VTA1: variants seen among roughly 807,000 people sequenced by gnomAD.
VTA1 encodes vesicle trafficking 1.
In VTA1, 24 loss-of-function variants were observed where a neutral mutation model predicts 36.9. The observed-to-expected ratio is 0.65, with a 90% CI of 0.47 to 0.91. The LOEUF is 0.91. VTA1 is among the 40% of genes least tolerant of loss of function. VTA1 has a pLI of 0.00. For synonymous variants in VTA1, 142 were observed against 130.2 expected, an observed-to-expected ratio of 1.09 and a Z score of -0.62; for missense variants, 393 against 377.2, an observed-to-expected ratio of 1.04 and a Z score of -0.35.
At chr6:142,170,289 A>G in intron 3 of VTA1, 57 bp from the exon 4 acceptor site, 1 of 1,342,204 alleles carries the variant, frequency 7.5e-7, no homozygotes, top group South Asian at 1.2e-5. Context: ...CTAAATGACA[A>G]AACTACATTT....
At chr6:142,159,494 T>C (rs1774742221) in intron 1 of VTA1, among the ~76,000 whole-genome samples, 1 of 137,164 alleles carries the variant, frequency 7.3e-6, no homozygotes. Context: ...TTATTATTAT[T>C]ATTATTATTA....
chr6:142,209,862 A>G (rs1775867854), intron 7 of VTA1, among the ~76,000 whole-genome samples: 1 of 152,250 alleles, frequency 6.6e-6, no homozygotes, highest in South Asian at 2.1e-4. Flanking sequence ...TGCAATCCCT[A>G]TCAAAATGCC....
rs199631870 is a variant in VTA1 at position 142,204,050 on chromosome 6, A to G, written c.763A>G (p.Asn255Asp). Residue 255 changes from asparagine to aspartate, a missense_variant, in exon 7 of 8, where the codon AAT becomes GAT. Coordinates refer to ENST00000367630, the MANE Select transcript of VTA1 (RefSeq NM_016485.5). Reference sequence around the variant, plus strand: ...ACCTGCCATTGATCCCGCACTTTTCAATACAATTTCCCAGGGTAAGTCAGC... The same window carrying G: ...ACCTGCCATTGATCCCGCACTTTTCGATACAATTTCCCAGGGTAAGTCAGC... Reference protein sequence around the residue: ...TIPAIDPALFNTISQGDVRLT... With the variant: ...TIPAIDPALFDTISQGDVRLT... 3.7e-6 allele frequency: 6 copies of G among 1,613,540 alleles called. No homozygotes were observed. The East Asian group carries it at 1.3e-4, about 36-fold the overall frequency.
chr6:142,168,454 A>C (rs1357684234), intron 2 of VTA1, among the ~76,000 whole-genome samples: 3 of 152,068 alleles, frequency 2.0e-5, no homozygotes, highest in African/African-American at 7.2e-5. Context: ...TCTTTGAAAA[A>C]AGCAGTTTTT....
At chr6:142,215,313 C>A (rs768175596) in intron 7 of VTA1, among the ~76,000 whole-genome samples, 6 of 151,848 alleles carry the variant, frequency 4.0e-5, no homozygotes, top group Non-Finnish European at 5.9e-5. Flanking sequence ...TGGTGGTGGG[C>A]GCCTGTAGTC....
chr6:142,189,322 C>CA, intron 4 of VTA1, 104 bp from the exon 5 acceptor site: 1 of 932,814 alleles, frequency 1.1e-6, no homozygotes, highest in Non-Finnish European at 1.6e-6. Flanking sequence ...CTGTAATCTG[C>CA]AAAAATAGGT....
At chr6:142,182,891 G>A (rs1415336620) in intron 4 of VTA1, among the ~76,000 whole-genome samples, 3 of 152,176 alleles carry the variant, frequency 2.0e-5, no homozygotes, top group South Asian at 2.1e-4. Flanking sequence ...ATCATCAAGT[G>A]TAGAAAGAAG....
intron 7 of VTA1, among the ~76,000 whole-genome samples, chr6:142,212,960 C>A (rs1775931959): frequency 1.3e-5 from 2 of 152,150 alleles, no homozygotes; most frequent in Non-Finnish European, 2.9e-5. Context: ...TTGGCCCCTC[C>A]CAAATCTCAT....
intron 1 of VTA1, among the ~76,000 whole-genome samples, chr6:142,159,794 T>A (rs952321804): frequency 1.3e-5 from 2 of 152,090 alleles, no homozygotes; most frequent in African/African-American, 4.8e-5. Flanking sequence ...ATTACAGGCA[T>A]GAGCCACCGT....
chr6:142,200,461 G>C (rs1775658878), intron 6 of VTA1, among the ~76,000 whole-genome samples: 1 of 151,938 alleles, frequency 6.6e-6, no homozygotes. Context: ...GTTTTAGACA[G>C]TATATCTCAA....
At chr6:142,196,961 G>A (rs959862950) in intron 5 of VTA1, among the ~76,000 whole-genome samples, 1 of 152,090 alleles carries the variant, frequency 6.6e-6, no homozygotes, top group Non-Finnish European at 1.5e-5. Context: ...TCAGGGGCTT[G>A]TAGGTATTTA....
At chr6:142,173,805 T>G (rs77843235) in intron 4 of VTA1, among the ~76,000 whole-genome samples, 5 of 152,178 alleles carry the variant, frequency 3.3e-5, no homozygotes, top group Non-Finnish European at 5.9e-5. Flanking sequence ...TCTTCCTTAA[T>G]TTTTTGAACA....
intron 7 of VTA1, among the ~76,000 whole-genome samples, chr6:142,214,683 T>C (rs1017631956): frequency 2.0e-5 from 3 of 152,128 alleles, no homozygotes; most frequent in Admixed American, 1.3e-4. Flanking sequence ...TAACATAGAC[T>C]CTGGGTAATA....
intron 4 of VTA1, among the ~76,000 whole-genome samples, chr6:142,179,445 A>G (rs548243220): frequency 6.6e-6 from 1 of 152,284 alleles, no homozygotes; most frequent in Admixed American, 6.5e-5. Context: ...TTTATTCATA[A>G]TAGCCCAAAG....
Position 142,170,422 on chromosome 6 carries a change from G to T in VTA1, c.411+1G>T. On this transcript the variant is annotated splice_donor_variant, in intron 4 of 7. Transcript: ENST00000367630. LOFTEE classifies it high-confidence loss of function. ...AGTATTTGGAGAACTCACTGATGAA[G>T]TGAGTGTACATTCTTTATTGTCTTA... is the stretch of plus-strand genomic sequence containing the variant. The T allele has an allele frequency of 6.3e-7, 1 of 1,583,350 alleles. No homozygotes were observed. The highest frequency in any genetic ancestry group is 8.6e-7 in the Non-Finnish European group (1 of 1,159,070).
chr6:142,156,263 A>G (rs1340977416), intron 1 of VTA1, among the ~76,000 whole-genome samples: 3 of 152,194 alleles, frequency 2.0e-5, no homozygotes, highest in African/African-American at 7.2e-5. Context: ...GGTAGTAGCT[A>G]GTAATTAGAG....
At chr6:142,158,588 C>T (rs975766793) in intron 1 of VTA1, among the ~76,000 whole-genome samples, 1 of 152,180 alleles carries the variant, frequency 6.6e-6, no homozygotes, top group African/African-American at 2.4e-5. Context: ...TCCATTATAA[C>T]AACCTCTACC....
chr6:142,147,263 A>G lies in VTA1; in HGVS notation c.-25A>G, dbSNP rs1271969309. 1.9e-6 allele frequency: 3 copies of G among 1,613,038 alleles called. No individual in the cohort carries two copies. Among genetic ancestry groups the G allele is most frequent in the Non-Finnish European group, 2.5e-6 (3 of 1,179,172 alleles). ...GCGGAAGTGCCGGTGGAGCGCGAGT[A>G]GGAAGTGGTGAGTTCGGAGTAGAGA... is the stretch of plus-strand genomic sequence containing the variant. On this transcript the variant is annotated 5_prime_UTR_variant, in exon 1 of 8. Coordinates refer to ENST00000367630, the MANE Select transcript of VTA1 (RefSeq NM_016485.5).
chr6:142,205,412 A>G (rs1270918760), intron 7 of VTA1, among the ~76,000 whole-genome samples: 2 of 152,218 alleles, frequency 1.3e-5, no homozygotes, highest in East Asian at 3.8e-4. Flanking sequence ...ATCTAGAACC[A>G]GAACCCTAGA....
Sources: gnomAD v4.1 joint callset for allele counts (sites outside exome capture counted in the v4.1 genomes callset) on GRCh38, gnomAD v4.1.1 for gene constraint, MANE v1.5 for transcripts, NCBI Gene and HGNC (gene_info 2026-07-23, HGNC 2026-07-21) for gene names.